The following EYS variants were observed in gnomAD, a reference collection of about 807,000 sequenced individuals.
EYS encodes EGF-like photoreceptor maintenance factor.
EYS carries 250 observed loss-of-function variants against 282.1 expected under a neutral mutation model. That is an observed-to-expected ratio of 0.89 (90% CI 0.80 to 0.98). The LOEUF is 0.98. EYS is among the 50% of genes least tolerant of loss of function. The pLI is 0.00. For missense variants in EYS, 4,016 were observed against 3,709.0 expected (o/e 1.08, Z -2.15); for synonymous variants, 1,355 against 1,282.9 (o/e 1.06, Z -1.20).
At position 64,882,237 on chromosome 6, in the gene EYS, A is replaced by G. The variant is rs187857971; in HGVS notation, c.2992+4460T>C. Among the ~76,000 whole-genome samples the G allele has an allele frequency of 1.6e-4, 24 of 151,948 alleles. No individual in the cohort carries two copies. The East Asian group carries it at 4.1e-3, about 26-fold the overall frequency. ...AGAGTGACGGATCTCTGAATAAAAA[A>G]GATATTCAACTCCAAAACTGATATA... On this transcript the variant is annotated intron_variant, in intron 19 of 42. Transcript: ENST00000503581.
intron 12 of EYS, among the ~76,000 whole-genome samples, chr6:65,132,181 A>G (rs1775898586): frequency 6.6e-6 from 1 of 152,026 alleles, no homozygotes; most frequent in African/African-American, 2.4e-5. Context: ...CAAAATATTG[A>G]GGAGGAGGGA....
intron 22 of EYS, among the ~76,000 whole-genome samples, chr6:64,793,628 T>C (rs1204792989): frequency 6.6e-6 from 1 of 152,212 alleles, no homozygotes; most frequent in African/African-American, 2.4e-5. Flanking sequence ...ATTTACGGTT[T>C]CAAATTCAAT....
At chr6:65,387,033 A>C (rs563189065) in intron 7 of EYS, among the ~76,000 whole-genome samples, 1 of 151,928 alleles carries the variant, frequency 6.6e-6, no homozygotes, top group African/African-American at 2.4e-5. Context: ...AATAGTGGAA[A>C]AGAGGAGACA....
intron 5 of EYS, among the ~76,000 whole-genome samples, chr6:65,456,344 G>C (rs1236443912): frequency 6.6e-6 from 1 of 151,818 alleles, no homozygotes; most frequent in African/African-American, 2.4e-5. Context: ...CAGCTACTCA[G>C]GAGGCTGAGG....
intron 26 of EYS, among the ~76,000 whole-genome samples, chr6:64,517,898 A>G (rs754214161): frequency 1.3e-5 from 2 of 151,776 alleles, no homozygotes; most frequent in African/African-American, 2.4e-5. Context: ...CATGAAAATA[A>G]CTTACTTGGC....
intron 22 of EYS, among the ~76,000 whole-genome samples, chr6:64,785,448 G>A (rs1012910071): frequency 6.6e-6 from 1 of 152,110 alleles, no homozygotes; most frequent in Non-Finnish European, 1.5e-5. Flanking sequence ...TTTTCTGAAA[G>A]CAGCCATAAT....
chr6:65,484,765 G>A (rs570514501), intron 5 of EYS, among the ~76,000 whole-genome samples: 12 of 152,294 alleles, frequency 7.9e-5, no homozygotes, highest in African/African-American at 2.9e-4. Flanking sequence ...ATATTTGTCT[G>A]TATGTTCTTG....
intron 14 of EYS, among the ~76,000 whole-genome samples, chr6:64,977,401 C>T (rs765214210): frequency 4.6e-5 from 7 of 151,838 alleles, no homozygotes; most frequent in African/African-American, 1.7e-4. Context: ...ATGTTGTGTG[C>T]GTCTGACTAC....
chr6:65,658,515 G>GT (rs1430117804), intron 1 of EYS, among the ~76,000 whole-genome samples: 5 of 151,502 alleles, frequency 3.3e-5, no homozygotes, highest in Admixed American at 2.6e-4. Context: ...GTAAAATATA[G>GT]TTAAAATATT....
chr6:64,112,313 A>G (rs1181829211), intron 31 of EYS, among the ~76,000 whole-genome samples: 1 of 152,024 alleles, frequency 6.6e-6, no homozygotes, highest in African/African-American at 2.4e-5. Context: ...ACAGCCAAGA[A>G]AGCTGTTGGT....
intron 29 of EYS, among the ~76,000 whole-genome samples, chr6:64,372,143 T>G (rs999316479): frequency 5.7e-4 from 15 of 26,410 alleles, no homozygotes; most frequent in Non-Finnish European, 7.1e-4. Flanking sequence ...TTTTTTTTTT[T>G]TTTTTTTTTT....
Position 63,783,615 on chromosome 6 carries a change from A to G in EYS, c.7723+4490T>C, listed in dbSNP as rs150928728. Among the ~76,000 whole-genome samples, 360 of 152,298 alleles carry G rather than the reference A, an allele frequency of 2.4e-3. 2 individuals carry two copies. The highest frequency in any genetic ancestry group is 8.3e-3 in the African/African-American group (343 of 41,570). On this transcript the variant is annotated intron_variant, in intron 39 of 42. Coordinates refer to ENST00000503581, the MANE Select transcript of EYS (RefSeq NM_001142800.2). Reference sequence around the variant, plus strand: ...ATTAGGTATGAAATGCTAAGTGGGAAAAGACTTGGTGCTCCAAAGACTTCA... The same window carrying G: ...ATTAGGTATGAAATGCTAAGTGGGAGAAGACTTGGTGCTCCAAAGACTTCA...
chr6:63,833,919 A>G (rs1771722876), intron 36 of EYS, among the ~76,000 whole-genome samples: 1 of 152,230 alleles, frequency 6.6e-6, no homozygotes, highest in Non-Finnish European at 1.5e-5. Flanking sequence ...GTCCACAACC[A>G]TCTGATCTTT....
intron 2 of EYS, among the ~76,000 whole-genome samples, chr6:65,556,105 T>G (rs1175112686): frequency 6.6e-6 from 1 of 152,116 alleles, no homozygotes; most frequent in African/African-American, 2.4e-5. Context: ...AATCTTTAAC[T>G]ATTTTGTTTT....
At chr6:64,540,178 T>C (rs774848082) in intron 26 of EYS, among the ~76,000 whole-genome samples, 4 of 152,204 alleles carry the variant, frequency 2.6e-5, no homozygotes, top group Non-Finnish European at 4.4e-5. Flanking sequence ...CTTTAAATCC[T>C]GTGGGGAGAA....
At chr6:63,817,657 C>A (rs1375514701) in intron 36 of EYS, among the ~76,000 whole-genome samples, 1 of 152,182 alleles carries the variant, frequency 6.6e-6, no homozygotes, top group Non-Finnish European at 1.5e-5. Flanking sequence ...ACCAGGAAGC[C>A]CTGGGGCTAA....
rs149315035 is a variant in EYS at position 64,639,366 on chromosome 6, C to T, written c.3444-13121G>A. Among the ~76,000 whole-genome samples the T allele has an allele frequency of 1.7e-3, 155 of 91,306 alleles. 52 individuals carry two copies. Among genetic ancestry groups the T allele is most frequent in the African/African-American group, 6.1e-3 (145 of 23,910 alleles). 59.9% of individuals were successfully genotyped at this position (91,306 alleles called of 152,430 possible). On this transcript the variant is annotated intron_variant, in intron 22 of 42. Transcript: ENST00000503581. ...AGCATGAGTATTATATGTAAATATACATCTCTTTTTTCATCAATTTGTGGC... is the reference window on the plus strand; with the variant it reads ...AGCATGAGTATTATATGTAAATATATATCTCTTTTTTCATCAATTTGTGGC...
chr6:64,675,148 T>C (rs1369100857), intron 22 of EYS, among the ~76,000 whole-genome samples: 2 of 149,898 alleles, frequency 1.3e-5, no homozygotes, highest in Non-Finnish European at 2.9e-5. Flanking sequence ...TTTTGGCTCA[T>C]TTTTTCTATC....
chr6:65,580,103 G>A (rs1487972092), intron 2 of EYS, among the ~76,000 whole-genome samples: 3 of 152,162 alleles, frequency 2.0e-5, no homozygotes, highest in Non-Finnish European at 4.4e-5. Flanking sequence ...ACATGCATCA[G>A]TACTTTGTTA....
Sources: allele counts gnomAD v4.1 joint callset (sites outside exome capture counted in the v4.1 genomes callset), GRCh38; gene constraint gnomAD v4.1.1; transcripts MANE v1.5; gene names NCBI Gene and HGNC (gene_info 2026-07-23, HGNC 2026-07-21).